RBFOX1: variants seen among roughly 807,000 people sequenced by gnomAD.
RBFOX1 encodes RNA binding protein fox-1 homolog 1.
In RBFOX1, 8 loss-of-function variants were observed where a neutral mutation model predicts 57.7. The ratio of observed to expected loss-of-function variants is 0.14; its 90% CI spans 0.08 to 0.25. RBFOX1 has a LOEUF of 0.25. RBFOX1 is among the 10% of genes least tolerant of loss of function. The pLI is 1.00. For missense variants in RBFOX1, 611 were observed against 548.5 expected, an observed-to-expected ratio of 1.11 and a Z score of -1.14; for synonymous variants, 326 against 222.4, an observed-to-expected ratio of 1.47 and a Z score of -4.15.
intron 1 of RBFOX1, among the ~76,000 whole-genome samples, chr16:6,211,130 G>C (rs968670797): frequency 7.5e-5 from 8 of 107,088 alleles, no homozygotes; most frequent in Non-Finnish European, 1.9e-4. Context: ...ACGGCAGACT[G>C]GACAGTAACC....
chr16:7,070,695 T>C (rs1480701010), intron 4 of RBFOX1, among the ~76,000 whole-genome samples: 1 of 152,206 alleles, frequency 6.6e-6, no homozygotes, highest in Non-Finnish European at 1.5e-5. Context: ...ACAGCTTTAG[T>C]AATAATACTT....
intron 3 of RBFOX1, among the ~76,000 whole-genome samples, chr16:5,825,842 A>G (rs1488793419): frequency 7.1e-6 from 1 of 141,442 alleles, no homozygotes. Context: ...TGAATAAGGA[A>G]TAATATTCCG....
intron 5 of RBFOX1, 98 bp downstream of exon 5, chr16:7,518,487 T>C (rs2076858429): frequency 6.8e-7 from 1 of 1,481,110 alleles, no homozygotes. Flanking sequence ...CCAGGGACTC[T>C]GGGAAACAGA....
At chr16:7,065,987 T>G (rs1598544849) in intron 4 of RBFOX1, among the ~76,000 whole-genome samples, 6 of 151,770 alleles carry the variant, frequency 4.0e-5, no homozygotes, top group Admixed American at 3.9e-4. Context: ...GAATAACAAA[T>G]AAATAACAAC....
intron 3 of RBFOX1, among the ~76,000 whole-genome samples, chr16:6,832,321 TA>T (rs2092764592): frequency 6.6e-6 from 1 of 152,216 alleles, no homozygotes; most frequent in Non-Finnish European, 1.5e-5. Flanking sequence ...GAGACAGTGT[TA>T]CTCATTATGT....
intron 1 of RBFOX1, among the ~76,000 whole-genome samples, chr16:5,268,038 C>T (rs181495834): frequency 6.4e-4 from 97 of 151,874 alleles, no homozygotes; most frequent in Admixed American, 1.4e-3. Context: ...GAGATCACAC[C>T]GCTGCATTCC....
intron 4 of RBFOX1, among the ~76,000 whole-genome samples, chr16:7,412,288 G>A (rs562085543): frequency 6.6e-6 from 1 of 151,840 alleles, no homozygotes; most frequent in African/African-American, 2.4e-5. Flanking sequence ...GGTGGCGTGT[G>A]CCTGTAATCT....
intron 2 of RBFOX1, among the ~76,000 whole-genome samples, chr16:6,435,937 C>T (rs1237664949): frequency 6.6e-6 from 1 of 152,100 alleles, no homozygotes; most frequent in African/African-American, 2.4e-5. Flanking sequence ...TTTCCCACCA[C>T]GAACTTCACT....
chr16:7,534,080 T>C (rs1471051603), intron 5 of RBFOX1, among the ~76,000 whole-genome samples: 2 of 105,736 alleles, frequency 1.9e-5, no homozygotes, highest in Non-Finnish European at 5.1e-5. Flanking sequence ...TCCCAACGTT[T>C]TTTTTCTTTT....
intron 4 of RBFOX1, among the ~76,000 whole-genome samples, chr16:7,450,517 C>T (rs920297184): frequency 2.0e-5 from 3 of 152,090 alleles, no homozygotes; most frequent in African/African-American, 7.2e-5. Context: ...TAACGGCCCC[C>T]GACTCCCACT....
intron 1 of RBFOX1, among the ~76,000 whole-genome samples, chr16:6,065,254 C>T (rs1039299702): frequency 6.7e-6 from 1 of 149,016 alleles, no homozygotes; most frequent in South Asian, 2.1e-4. Flanking sequence ...CGGCTGGTCT[C>T]AAACTCCTGG....
chr16:6,523,208 A>T (rs928416231), intron 2 of RBFOX1, among the ~76,000 whole-genome samples: 5 of 152,006 alleles, frequency 3.3e-5, no homozygotes, highest in African/African-American at 1.2e-4. Context: ...ATGCAGAGGA[A>T]TATCTGATAA....
chr16:7,052,900 T>G (rs886397464), intron 4 of RBFOX1, among the ~76,000 whole-genome samples: 1 of 152,204 alleles, frequency 6.6e-6, no homozygotes, highest in Non-Finnish European at 1.5e-5. Context: ...AAGTTGGCAG[T>G]TTTTACTGGA....
intron 4 of RBFOX1, among the ~76,000 whole-genome samples, chr16:5,904,026 C>T (rs761127378): frequency 2.0e-5 from 3 of 152,126 alleles, no homozygotes; most frequent in East Asian, 1.9e-4. Context: ...AGAAGGTCAG[C>T]GAGGCAGCCA....
chr16:6,642,351 C>G (rs1034851312), intron 2 of RBFOX1, among the ~76,000 whole-genome samples: 1 of 152,142 alleles, frequency 6.6e-6, no homozygotes, highest in Non-Finnish European at 1.5e-5. Context: ...ATTAAAAGCG[C>G]TCTCATTAAA....
At chr16:7,263,935 A>C (rs1292474615) in intron 4 of RBFOX1, among the ~76,000 whole-genome samples, 11 of 151,024 alleles carry the variant, frequency 7.3e-5, no homozygotes, top group Non-Finnish European at 4.4e-5. Flanking sequence ...AAAAAAAAAA[A>C]ACAAGTAGAA....
intron 2 of RBFOX1, among the ~76,000 whole-genome samples, chr16:6,428,384 C>T (rs889050215): frequency 3.3e-5 from 5 of 150,884 alleles, no homozygotes; most frequent in Admixed American, 1.3e-4. Context: ...TGTACTGAAA[C>T]CTTCAATAAA....
intron 2 of RBFOX1, among the ~76,000 whole-genome samples, chr16:5,539,081 C>G (rs1469155968): frequency 6.6e-6 from 1 of 152,122 alleles, no homozygotes; most frequent in Non-Finnish European, 1.5e-5. Context: ...CAGATAAGAC[C>G]TGCCTTTCAG....
intron 3 of RBFOX1, among the ~76,000 whole-genome samples, chr16:5,826,486 C>T (rs548089516): frequency 2.2e-4 from 34 of 152,278 alleles, no homozygotes; most frequent in African/African-American, 8.2e-4. Context: ...CCTATATGGT[C>T]GCTGTCTCAA....
Sources: gnomAD v4.1 joint callset for allele counts (sites outside exome capture counted in the v4.1 genomes callset) on GRCh38, gnomAD v4.1.1 for gene constraint, MANE v1.5 for transcripts, NCBI Gene and HGNC (gene_info 2026-07-23, HGNC 2026-07-21) for gene names.